Variants in SECISBP2 observed in about 807,000 individuals in gnomAD.
SECISBP2 encodes SECIS binding protein 2, also known as selenocysteine insertion sequence-binding protein 2.
SECISBP2 carries 96 observed loss-of-function variants against 98.2 expected under a neutral mutation model. The ratio of observed to expected loss-of-function variants is 0.98; its 90% CI spans 0.83 to 1.16. The LOEUF (loss-of-function observed/expected upper bound fraction) is 1.16, where lower values mean the gene tolerates loss of function less well. SECISBP2 is among the 50% of genes most tolerant of loss of function. The pLI, the probability that SECISBP2 is intolerant of heterozygous loss-of-function variation, is 0.00. For missense variants in SECISBP2, 1,046 were observed against 1,022.9 expected (o/e 1.02, Z -0.31); for synonymous variants, 407 against 370.2 (o/e 1.10, Z -1.14).
At chr9:89,319,530 A>T in intron 1 of SECISBP2, 122 bp from the exon 2 acceptor site, 1 of 1,143,084 alleles carries the variant, frequency 8.7e-7, no homozygotes, top group Non-Finnish European at 1.3e-6. Flanking sequence ...ACGAGGCAGA[A>T]GTTTTTAAAC....
At chr9:89,353,881 G>T (rs1303183190) in intron 14 of SECISBP2, among the ~76,000 whole-genome samples, 1 of 152,148 alleles carries the variant, frequency 6.6e-6, no homozygotes, top group African/African-American at 2.4e-5. Flanking sequence ...GTAATCATTG[G>T]TTCCGACACG....
chr9:89,334,542 G>C lies in SECISBP2; in HGVS notation c.901G>C (p.Gly301Arg). ...CTRELSWTPMGYVVRQTLSTE... is the reference protein window; with the variant it reads ...CTRELSWTPMRYVVRQTLSTE... ...AGCAGAGTTATCTTGGACACCAATGGGTTATGTTGTTCGACAGACATTATC... is the reference window on the plus strand; with the variant it reads ...AGCAGAGTTATCTTGGACACCAATGCGTTATGTTGTTCGACAGACATTATC... The change falls in exon 7 of 17, where the codon GGT (glycine) becomes CGT (arginine). Residue 301 changes from glycine (G) to arginine (R), a missense_variant. Gly to Arg is a moderately radical substitution (Grantham distance 125). Transcript: ENST00000375807. The C allele has an allele frequency of 6.2e-7, 1 of 1,614,090 alleles. No individual in the cohort carries two copies. Among genetic ancestry groups the C allele is most frequent in the South Asian group, 1.1e-5 (1 of 91,078 alleles).
intron 4 of SECISBP2, 134 bp downstream of exon 4, chr9:89,326,172 C>A: frequency 9.5e-7 from 1 of 1,048,314 alleles, no homozygotes; most frequent in Non-Finnish European, 1.4e-6. Flanking sequence ...GGGTCTGACA[C>A]AGCTTAGGGC....
rs1167165944 is a variant in SECISBP2, at chr9:89,358,721, T to C, written c.2462T>C (p.Ile821Thr). 2 of 1,607,612 alleles carry C rather than the reference T, an allele frequency of 1.2e-6. No homozygotes were observed. Among genetic ancestry groups the C allele is most frequent in the Non-Finnish European group, 1.7e-6 (2 of 1,174,064 alleles). Reference sequence around the variant, plus strand: ...CACTCGTGCTGTTTTCTCATTTTAGTTGAAATCTGGAAAAAACATCTGGAA... The same window carrying C: ...CACTCGTGCTGTTTTCTCATTTTAGCTGAAATCTGGAAAAAACATCTGGAA... ...ALKEKEEPHY[I>T]EIWKKHLEAY... The change falls in exon 17 of 17, where the codon ATT becomes ACT. Residue 821 changes from isoleucine to threonine, a missense_variant and splice_region_variant. Coordinates refer to ENST00000375807, the MANE Select transcript of SECISBP2 (RefSeq NM_024077.5).
At chr9:89,319,973 C>T (rs1326603924) in intron 2 of SECISBP2, among the ~76,000 whole-genome samples, 176 bp downstream of exon 2, 1 of 152,196 alleles carries the variant, frequency 6.6e-6, no homozygotes, top group Non-Finnish European at 1.5e-5. Flanking sequence ...GTGCCAAAAA[C>T]AGAAGCTTTA....
intron 13 of SECISBP2, 129 bp from the exon 14 acceptor site, chr9:89,350,503 A>G: frequency 1.2e-6 from 1 of 826,230 alleles, no homozygotes. Flanking sequence ...AGTTCTGGTT[A>G]GTAGTACTTG....
chr9:89,333,080 A>G (rs1828022703), intron 6 of SECISBP2, 94 bp downstream of exon 6: 10 of 1,097,374 alleles, frequency 9.1e-6, no homozygotes, highest in Admixed American at 1.9e-5. Context: ...TTTTTGTTGT[A>G]AAGACTTAAG....
chr9:89,344,367 T>C (rs999473572), intron 10 of SECISBP2, among the ~76,000 whole-genome samples: 2 of 152,250 alleles, frequency 1.3e-5, no homozygotes, highest in Non-Finnish European at 2.9e-5. Flanking sequence ...GATGTCTTTG[T>C]CATGAAATCT....
chr9:89,321,696 C>A lies in SECISBP2; in HGVS notation c.182+1899C>A, dbSNP rs75423496. Among the ~76,000 whole-genome samples, 138 of 152,180 alleles carry A rather than the reference C, an allele frequency of 9.1e-4. 1 individual carries two copies. The East Asian group carries it at 9.3e-3, about 10-fold the overall frequency. On this transcript the variant is annotated intron_variant, in intron 2 of 16. Transcript: ENST00000375807. ...AAAAAAAATAGTTTTCTTAACTCTT[C>A]TTTTTTAGCTTTGGTTTATGACCAA... is the stretch of plus-strand genomic sequence containing the variant.
At chr9:89,331,748 C>T (rs1827788848) in intron 5 of SECISBP2, among the ~76,000 whole-genome samples, 1 of 152,226 alleles carries the variant, frequency 6.6e-6, no homozygotes. Flanking sequence ...TTTGCATTTA[C>T]ATGGGATCAT....
At chr9:89,351,893 G>A (rs1831332770) in intron 14 of SECISBP2, among the ~76,000 whole-genome samples, 1 of 152,148 alleles carries the variant, frequency 6.6e-6, no homozygotes, top group South Asian at 2.1e-4. Flanking sequence ...TGTTGTACAT[G>A]TCCACAGCTA....
At chr9:89,342,418 G>A (rs1049292528) in intron 10 of SECISBP2, among the ~76,000 whole-genome samples, 1 of 152,184 alleles carries the variant, frequency 6.6e-6, no homozygotes, top group African/African-American at 2.4e-5. Context: ...ATGACTCAGC[G>A]ATTTCACTCC....
At chr9:89,365,433 TCCTC>T in the SECISBP2 span, 11 of 152,564 alleles carry the variant, frequency 7.2e-5, no homozygotes, top group African/African-American at 2.6e-4. Context: ...CACCTGCCCT[TCCTC>T]GAGGCCCACC....
chr9:89,340,933 A>G (rs1297739991), intron 9 of SECISBP2, among the ~76,000 whole-genome samples: 5 of 152,144 alleles, frequency 3.3e-5, no homozygotes, highest in Non-Finnish European at 5.9e-5. Flanking sequence ...TTGTATCACT[A>G]TAATTTCATG....
intron 7 of SECISBP2, among the ~76,000 whole-genome samples, chr9:89,337,016 C>G (rs560662806): frequency 6.6e-6 from 1 of 152,070 alleles, no homozygotes; most frequent in Non-Finnish European, 1.5e-5. Context: ...TCAGGTGATC[C>G]ATCTGCCTCG....
rs373624945 is a variant in SECISBP2 at position 89,358,112 on chromosome 9, C to T, written c.2382C>T (p.Pro794=). The T allele has an allele frequency of 6.2e-7, 1 of 1,613,718 alleles. No homozygotes were observed. The highest frequency in any genetic ancestry group is 1.3e-5 in the African/African-American group (1 of 74,930). The part of the protein sequence containing the change: ...LVGEPRPQAP[P]SLPTQGPSCP... ...GAGAGCCCAGGCCTCAGGCACCTCC[C>T]AGCCTACCCACACAGGGCCCCAGCT... The change falls in exon 16 of 17, where the codon CCC becomes CCT. Residue 794 remains proline (P), a synonymous_variant. Coordinates refer to ENST00000375807, the MANE Select transcript of SECISBP2 (RefSeq NM_024077.5).
downstream of SECISBP2, chr9:89,363,718 C>T (rs1833125910): frequency 6.2e-7 from 1 of 1,607,168 alleles, no homozygotes; most frequent in African/African-American, 1.3e-5. Context: ...AAAAGGGTAA[C>T]AGTGGGCATG....
At chr9:89,318,805 C>A (rs1825157418) in intron 1 of SECISBP2, 193 bp downstream of exon 1, 1 of 1,270,906 alleles carries the variant, frequency 7.9e-7, no homozygotes, top group Non-Finnish European at 1.0e-6. Flanking sequence ...CGGTCAGCGG[C>A]TACAGACCCC....
chr9:89,362,545 G>A (rs1257773898), downstream of SECISBP2: 1 of 1,571,040 alleles, frequency 6.4e-7, no homozygotes, highest in Non-Finnish European at 8.7e-7. Flanking sequence ...TCAGCCCCCT[G>A]TTGTGGTTCC....
Sources: gnomAD v4.1 joint callset for allele counts (sites outside exome capture counted in the v4.1 genomes callset) on GRCh38, gnomAD v4.1.1 for gene constraint, MANE v1.5 for transcripts, NCBI Gene and HGNC (gene_info 2026-07-23, HGNC 2026-07-21) for gene names.